Variants in LNX1 observed in about 807,000 individuals in gnomAD.
LNX1 encodes E3 ubiquitin-protein ligase LNX.
Under a neutral mutation model 68.4 loss-of-function variants are expected in LNX1, and 54 were observed. That is an observed-to-expected ratio of 0.79 (90% confidence interval 0.63 to 0.99). LNX1 has a LOEUF of 0.99. Among genes scored for constraint, LNX1 ranks in the 50% least tolerant of loss-of-function variants. The pLI is 0.00. For synonymous variants in LNX1, 336 were observed against 350.0 expected (o/e 0.96, Z 0.45); for missense variants, 906 against 926.4 (o/e 0.98, Z 0.29).
chr4:53,588,084 T>C (rs1294967151), intron 1 of LNX1, among the ~76,000 whole-genome samples: 2 of 152,210 alleles, frequency 1.3e-5, no homozygotes, highest in African/African-American at 2.4e-5. Context: ...TAAAATAATA[T>C]AACAATAGTT....
intron 5 of LNX1, 131 bp from the exon 6 acceptor site, chr4:53,496,525 A>G (rs1445800298): frequency 8.7e-6 from 10 of 1,148,410 alleles, no homozygotes; most frequent in Non-Finnish European, 1.2e-5. Context: ...TCCTGTGTCC[A>G]ATAACCGCAC....
At chr4:53,516,218 G>A (rs1726772009) in intron 2 of LNX1, among the ~76,000 whole-genome samples, 1 of 151,978 alleles carries the variant, frequency 6.6e-6, no homozygotes. Context: ...CTCCAGCCTG[G>A]GCAACAGAGC....
intron 2 of LNX1, among the ~76,000 whole-genome samples, chr4:53,525,295 A>T (rs1409925624): frequency 6.6e-6 from 1 of 152,244 alleles, no homozygotes; most frequent in Non-Finnish European, 1.5e-5. Context: ...CAGCCTGGCC[A>T]ACAAGGTGAA....
intron 9 of LNX1, among the ~76,000 whole-genome samples, chr4:53,462,058 CT>C (rs1208267117): frequency 6.6e-6 from 1 of 152,022 alleles, no homozygotes; most frequent in African/African-American, 2.4e-5. Context: ...AATTCGTATA[CT>C]TTTTTTGACC....
At chr4:53,511,563 G>GA (rs1726341935) in intron 2 of LNX1, among the ~76,000 whole-genome samples, 3 of 152,274 alleles carry the variant, frequency 2.0e-5, no homozygotes, top group Admixed American at 2.0e-4. Flanking sequence ...GAGCAACTCT[G>GA]AAAAATCAGT....
At chr4:53,464,838 A>AATG (rs1722544636) in intron 9 of LNX1, among the ~76,000 whole-genome samples, 1 of 152,152 alleles carries the variant, frequency 6.6e-6, no homozygotes, top group African/African-American at 2.4e-5. Context: ...TTTATTCCTC[A>AATG]ATGATAGCCA....
intron 1 of LNX1, among the ~76,000 whole-genome samples, chr4:53,577,610 A>G (rs1435225): frequency 0.75 from 114,152 of 151,958 alleles, 43,024 homozygotes; most frequent in East Asian, 0.79. Context: ...AGATGGGGTC[A>G]TGCTATGTTG....
intron 1 of LNX1, among the ~76,000 whole-genome samples, chr4:53,624,536 C>T (rs1056815420): frequency 6.6e-6 from 1 of 152,186 alleles, no homozygotes; most frequent in African/African-American, 2.4e-5. Flanking sequence ...TACCCAGTCT[C>T]AGGTGTGTCT....
At position 53,565,379 on chromosome 4, in the gene LNX1, C is replaced by G. The variant is rs558384983; in HGVS notation, c.380+8244G>C. Among the ~76,000 whole-genome samples the G allele has an allele frequency of 2.0e-5, 3 of 152,094 alleles. No homozygotes were observed. The East Asian group carries it at 5.8e-4, about 29-fold the overall frequency. ...AGCCTAACTGGGAGGCACCCTCCAG[C>G]AGGGGCACACTGACACCTCACACTG... is the stretch of plus-strand genomic sequence containing the variant. On this transcript the variant is annotated intron_variant, in intron 2 of 10. Transcript: ENST00000263925.
chr4:53,619,516 C>A (rs1383224920), upstream of LNX1, among the ~76,000 whole-genome samples: 1 of 152,102 alleles, frequency 6.6e-6, no homozygotes, highest in East Asian at 1.9e-4. Flanking sequence ...TTGGGTCATG[C>A]TTATCCATGT....
intron 1 of LNX1, among the ~76,000 whole-genome samples, chr4:53,588,030 T>C (rs1732285127): frequency 6.6e-6 from 1 of 152,228 alleles, no homozygotes; most frequent in African/African-American, 2.4e-5. Context: ...ATCCAGATAG[T>C]AGCATGACCT....
At chr4:53,632,979 C>G (rs1027824839) in intron 1 of LNX1, among the ~76,000 whole-genome samples, 1 of 152,174 alleles carries the variant, frequency 6.6e-6, no homozygotes, top group African/African-American at 2.4e-5. Flanking sequence ...ACAACCTGTC[C>G]TAAGACAAGA....
In LNX1 at chr4:53,571,724, G is replaced by A. The variant is rs144851600; in HGVS notation, c.380+1899C>T. Among the ~76,000 whole-genome samples the A allele has an allele frequency of 1.9e-4, 29 of 152,042 alleles. No homozygotes were observed. In the East Asian group the frequency reaches 4.8e-3, roughly 25 times the overall value. ...GTCACTTAGGCTGGAGTGCAGTAGC[G>A]CATCACAGCTCACTTCACCCTCAAC... is the stretch of plus-strand genomic sequence containing the variant. On this transcript the variant is annotated intron_variant, in intron 2 of 10. Coordinates refer to ENST00000263925, the MANE Select transcript of LNX1 (RefSeq NM_001126328.3).
At chr4:53,468,103 T>C (rs1722841831) in intron 9 of LNX1, among the ~76,000 whole-genome samples, 2 of 152,162 alleles carry the variant, frequency 1.3e-5, no homozygotes, top group African/African-American at 4.8e-5. Flanking sequence ...AAGGTCGGGT[T>C]ACCCACAAAG....
At chr4:53,532,477 T>TA (rs1178852438) in intron 2 of LNX1, among the ~76,000 whole-genome samples, 1 of 151,250 alleles carries the variant, frequency 6.6e-6, no homozygotes, top group Non-Finnish European at 1.5e-5. Flanking sequence ...ATAAATAAAA[T>TA]AAAAAAAAGA....
At chr4:53,490,880 C>T (rs570002335) in intron 6 of LNX1, among the ~76,000 whole-genome samples, 1 of 152,152 alleles carries the variant, frequency 6.6e-6, no homozygotes, top group South Asian at 2.1e-4. Flanking sequence ...TCCAACATTC[C>T]GTGTTTTCCA....
At chr4:53,506,674 G>C (rs1302834038) in intron 4 of LNX1, among the ~76,000 whole-genome samples, 1 of 151,786 alleles carries the variant, frequency 6.6e-6, no homozygotes, top group African/African-American at 2.4e-5. Context: ...GACCAACATG[G>C]AGAAACCCCG....
chr4:53,562,658 GT>G (rs1378730760), intron 2 of LNX1, among the ~76,000 whole-genome samples: 1 of 152,168 alleles, frequency 6.6e-6, no homozygotes, highest in Non-Finnish European at 1.5e-5. Context: ...TGGGCAACAG[GT>G]GCAGAAATTT....
chr4:53,589,505 G>C (rs1457967466), intron 1 of LNX1, among the ~76,000 whole-genome samples: 3 of 152,318 alleles, frequency 2.0e-5, no homozygotes, highest in South Asian at 2.1e-4. Context: ...TCCAAAGGAA[G>C]AACCTAGCCT....
Sources: allele counts gnomAD v4.1 joint callset (sites outside exome capture counted in the v4.1 genomes callset), GRCh38; gene constraint gnomAD v4.1.1; transcripts MANE v1.5; gene names NCBI Gene and HGNC (gene_info 2026-07-23, HGNC 2026-07-21).